Variants in BNC2 observed in about 807,000 individuals in gnomAD.
BNC2 encodes basonuclin zinc finger protein 2, also known as zinc finger protein basonuclin-2.
In BNC2, 20 loss-of-function variants were observed where a neutral mutation model predicts 76.3. That is an observed-to-expected ratio of 0.26 (90% confidence interval 0.18 to 0.38). The LOEUF (loss-of-function observed/expected upper bound fraction) is 0.38, where lower values mean the gene tolerates loss of function less well. Among genes scored for constraint, BNC2 ranks in the 10% least tolerant of loss-of-function variants. BNC2 has a pLI of 1.00. For synonymous variants in BNC2, 582 were observed against 514.8 expected, an observed-to-expected ratio of 1.13 and a Z score of -1.77; for missense variants, 1,382 against 1,399.8, an observed-to-expected ratio of 0.99 and a Z score of 0.20.
chr9:16,467,946 G>C (rs573880327), intron 5 of BNC2, among the ~76,000 whole-genome samples: 21 of 151,822 alleles, frequency 1.4e-4, no homozygotes, highest in Non-Finnish European at 2.5e-4. Flanking sequence ...CAAAATCCTG[G>C]AACATGCTAT....
At chr9:16,735,875 G>C (rs1824652458) in intron 2 of BNC2, among the ~76,000 whole-genome samples, 1 of 151,960 alleles carries the variant, frequency 6.6e-6, no homozygotes, top group Admixed American at 6.6e-5. Context: ...CCTCAGTAAA[G>C]GTGTCATAAT....
intron 5 of BNC2, among the ~76,000 whole-genome samples, chr9:16,453,755 T>C (rs1821390194): frequency 6.6e-6 from 1 of 152,206 alleles, no homozygotes; most frequent in African/African-American, 2.4e-5. Flanking sequence ...AGGCAGAGGT[T>C]GCAGTGAGCT....
At chr9:16,752,158 G>C (rs144509318) in intron 1 of BNC2, among the ~76,000 whole-genome samples, 805 of 151,860 alleles carry the variant, frequency 5.3e-3, no homozygotes, top group Middle Eastern at 0.02. Flanking sequence ...GAGATCCGAA[G>C]ATAAACTGGG....
intron 1 of BNC2, among the ~76,000 whole-genome samples, chr9:16,791,559 C>A (rs1199630138): frequency 6.6e-6 from 1 of 152,130 alleles, no homozygotes; most frequent in East Asian, 1.9e-4. Context: ...GAGATTGATG[C>A]CCTTCCCATT....
chr9:16,735,393 AT>A (rs67462704), intron 2 of BNC2, among the ~76,000 whole-genome samples: 137,328 of 148,276 alleles, frequency 0.93, 63,649 homozygotes, highest in East Asian at 0.97. Context: ...ACTTAAATGA[AT>A]TTAAAAAAAA....
chr9:16,509,398 G>C (rs558150154), intron 5 of BNC2, among the ~76,000 whole-genome samples: 4 of 152,282 alleles, frequency 2.6e-5, no homozygotes, highest in South Asian at 4.1e-4. Flanking sequence ...ACACATAAAT[G>C]TCTCTAACTG....
At chr9:16,580,791 T>G (rs1819611323) in intron 4 of BNC2, among the ~76,000 whole-genome samples, 1 of 152,230 alleles carries the variant, frequency 6.6e-6, no homozygotes, top group Admixed American at 6.5e-5. Flanking sequence ...GCTCATCTAC[T>G]GTCCATTTTA....
At chr9:16,666,411 T>A (rs1822292792) in intron 3 of BNC2, among the ~76,000 whole-genome samples, 1 of 152,188 alleles carries the variant, frequency 6.6e-6, no homozygotes, top group Non-Finnish European at 1.5e-5. Flanking sequence ...AATCCTCCAA[T>A]AAAGCAGGTA....
chr9:16,803,286 G>A (rs1360356129), intron 1 of BNC2, among the ~76,000 whole-genome samples: 1 of 152,188 alleles, frequency 6.6e-6, no homozygotes, highest in Non-Finnish European at 1.5e-5. Context: ...GGACAGTGCT[G>A]AAATCCTGCT....
At chr9:16,657,438 C>T (rs16934893) in intron 3 of BNC2, among the ~76,000 whole-genome samples, 12,607 of 152,122 alleles carry the variant, frequency 0.083, 1,674 homozygotes, top group African/African-American at 0.28. Flanking sequence ...GAGAGGTCAG[C>T]GCTCCAGAGC....
At chr9:16,655,457 A>T (rs1487534600) in intron 3 of BNC2, among the ~76,000 whole-genome samples, 1 of 152,118 alleles carries the variant, frequency 6.6e-6, no homozygotes, top group African/African-American at 2.4e-5. Flanking sequence ...GCAGTGACTT[A>T]TTTTATCTCA....
intron 3 of BNC2, among the ~76,000 whole-genome samples, chr9:16,592,951 C>T (rs913469970): frequency 6.6e-6 from 1 of 151,942 alleles, no homozygotes; most frequent in African/African-American, 2.4e-5. Flanking sequence ...AATCCACTGC[C>T]ATTTTTCTAT....
chr9:16,542,329 G>GC (rs1399441748), intron 5 of BNC2, among the ~76,000 whole-genome samples: 1 of 152,032 alleles, frequency 6.6e-6, no homozygotes, highest in Non-Finnish European at 1.5e-5. Flanking sequence ...CTATAGCCAT[G>GC]CAAGTCCCCT....
chr9:16,491,089 A>C (rs1219350248), intron 5 of BNC2, among the ~76,000 whole-genome samples: 13 of 152,230 alleles, frequency 8.5e-5, no homozygotes, highest in Admixed American at 8.5e-4. Context: ...CACAGGGCAT[A>C]AAAGAATAGA....
chr9:16,608,955 ACAT>A (rs1249226719), intron 3 of BNC2, among the ~76,000 whole-genome samples: 3 of 152,280 alleles, frequency 2.0e-5, no homozygotes, highest in Non-Finnish European at 4.4e-5. Flanking sequence ...AGGTTCCTAA[ACAT>A]CATACCTTGC....
chr9:16,503,824 A>C (rs1430069922), intron 5 of BNC2, among the ~76,000 whole-genome samples: 2 of 152,178 alleles, frequency 1.3e-5, no homozygotes, highest in African/African-American at 4.8e-5. Flanking sequence ...TTATTTAGCA[A>C]TTATGTGGGC....
intron 1 of BNC2, among the ~76,000 whole-genome samples, chr9:16,845,315 CT>C (rs75998941): frequency 0.15 from 23,325 of 152,098 alleles, 1,955 homozygotes; most frequent in East Asian, 0.28. Context: ...TCAACACCAG[CT>C]TTTTTACAGT....
rs116247146 is a variant in BNC2 at position 16,470,708 on chromosome 9, C to A, written c.670-33184G>T. On this transcript the variant is annotated intron_variant, in intron 5 of 6. Coordinates refer to ENST00000380672, the MANE Select transcript of BNC2 (RefSeq NM_017637.6). ...AGCAGCTTCTACATGGCGTTCTGTG[C>A]GCAGATGCACAGAAGTCAAGAATCG... is the stretch of plus-strand genomic sequence containing the variant. Among the ~76,000 whole-genome samples, 917 of 152,306 alleles carry A rather than the reference C, an allele frequency of 6.0e-3. 12 individuals are homozygous for A. Among genetic ancestry groups the A allele is most frequent in the African/African-American group, 0.021 (863 of 41,574 alleles).
At chr9:16,849,497 T>C (rs935035543) in intron 1 of BNC2, among the ~76,000 whole-genome samples, 7 of 151,878 alleles carry the variant, frequency 4.6e-5, no homozygotes, top group Non-Finnish European at 4.4e-5. Flanking sequence ...TAGCTGAGAT[T>C]ACAGGCGCAT....
Sources: gnomAD v4.1 joint callset for allele counts (sites outside exome capture counted in the v4.1 genomes callset) on GRCh38, gnomAD v4.1.1 for gene constraint, MANE v1.5 for transcripts, NCBI Gene and HGNC (gene_info 2026-07-23, HGNC 2026-07-21) for gene names.